Variants in DOCK2 observed in about 807,000 individuals in gnomAD.
DOCK2 encodes the protein dedicator of cytokinesis 2.
A neutral mutation model predicts 248.9 loss-of-function variants in DOCK2; 87 were observed. The observed-to-expected ratio is 0.35, with a 90% confidence interval of 0.29 to 0.42. The LOEUF (loss-of-function observed/expected upper bound fraction) is 0.42. Ranked by LOEUF, DOCK2 falls within the 10% of genes least tolerant of loss-of-function variation. The pLI is 1.00. For missense variants in DOCK2, 1,747 were observed against 2,300.2 expected (o/e 0.76, Z 4.92); for synonymous variants, 805 against 821.6 (o/e 0.98, Z 0.35).
At chr5:169,665,312 A>C (rs1026027731) in intron 2 of DOCK2, among the ~76,000 whole-genome samples, 13 of 142,946 alleles carry the variant, frequency 9.1e-5, no homozygotes, top group South Asian at 2.2e-4. Flanking sequence ...ATATATGTTT[A>C]TATATAAGTA....
At chr5:169,843,053 A>G (rs532718485) in intron 27 of DOCK2, among the ~76,000 whole-genome samples, 1 of 152,322 alleles carries the variant, frequency 6.6e-6, no homozygotes, top group African/African-American at 2.4e-5. Context: ...TCTGGTCACA[A>G]CCACATTTTT....
chr5:170,062,128 T>TGA (rs1554129358), intron 44 of DOCK2, among the ~76,000 whole-genome samples: 50 of 137,904 alleles, frequency 3.6e-4, no homozygotes, highest in South Asian at 6.9e-4. Flanking sequence ...TGTGTGTGTG[T>TGA]GAGAGAGAGA....
chr5:169,837,045 G>A (rs1244050933), intron 26 of DOCK2, among the ~76,000 whole-genome samples: 1 of 152,110 alleles, frequency 6.6e-6, no homozygotes. Flanking sequence ...GGCTCCCTTA[G>A]CCCCGACCCT....
At chr5:169,702,524 T>C (rs749859732) in intron 14 of DOCK2, 97 bp downstream of exon 14, 12 of 1,553,362 alleles carry the variant, frequency 7.7e-6, no homozygotes, top group Non-Finnish European at 1.0e-5. Context: ...GTTGTCTAAA[T>C]GCCAGGTGCC....
Position 169,846,354 on chromosome 5 carries a change from G to A in DOCK2, c.2799+5502G>A, listed in dbSNP as rs150242076. Among the ~76,000 whole-genome samples the A allele has an allele frequency of 1.7e-3, 261 of 152,236 alleles. 2 individuals are homozygous for A. The highest frequency in any genetic ancestry group is 2.7e-3 in the Non-Finnish European group (182 of 68,018). ...TTTCTTGTTGGGCTTAGGGCTTTGCGATGACCATTCCTGATTTTTCTATAG... is the reference window on the plus strand; with the variant it reads ...TTTCTTGTTGGGCTTAGGGCTTTGCAATGACCATTCCTGATTTTTCTATAG... On this transcript the variant is annotated intron_variant, in intron 27 of 51. Coordinates refer to ENST00000520908, the MANE Select transcript of DOCK2 (RefSeq NM_004946.3).
intron 22 of DOCK2, among the ~76,000 whole-genome samples, chr5:169,743,245 A>T (rs1407721293): frequency 6.6e-6 from 1 of 152,068 alleles, no homozygotes; most frequent in African/African-American, 2.4e-5. Flanking sequence ...ACCCTTATGA[A>T]TTTTTTTCCT....
At chr5:169,736,468 T>G (rs773025273) in intron 22 of DOCK2, among the ~76,000 whole-genome samples, 4 of 152,214 alleles carry the variant, frequency 2.6e-5, no homozygotes, top group Admixed American at 1.3e-4. Flanking sequence ...TGACCTCTCC[T>G]AAACCCTAGA....
chr5:169,747,252 G>A (rs917596687), intron 22 of DOCK2, 144 bp from the exon 23 acceptor site: 4 of 640,132 alleles, frequency 6.2e-6, no homozygotes, highest in African/African-American at 3.7e-5. Flanking sequence ...GATGCACGCA[G>A]CATCTGCAGA....
chr5:169,985,798 T>A (rs1293551672), intron 28 of DOCK2, 30 bp from the exon 29 acceptor site: 1 of 1,561,174 alleles, frequency 6.4e-7, no homozygotes, highest in Non-Finnish European at 8.7e-7. Context: ...TAAAACAGGA[T>A]GACATGTGTG....
Position 170,039,492 on chromosome 5 carries a change from T to A in DOCK2, c.3666-1563T>A, listed in dbSNP as rs142892771. Among the ~76,000 whole-genome samples, 105 of 152,372 alleles carry A rather than the reference T, an allele frequency of 6.9e-4. No homozygotes were observed. In the East Asian group the frequency reaches 0.013, roughly 18 times the overall value. On this transcript the variant is annotated intron_variant, in intron 36 of 51. Coordinates refer to ENST00000520908, the MANE Select transcript of DOCK2 (RefSeq NM_004946.3). ...TCTCTAAGGCCTGTTATAGCCTGGA[T>A]GCCCGGTACAGCTTTGCTGAATGAA...
intron 27 of DOCK2, among the ~76,000 whole-genome samples, chr5:169,887,893 G>T (rs1773063184): frequency 1.3e-5 from 2 of 152,112 alleles, no homozygotes; most frequent in African/African-American, 2.4e-5. Context: ...TTGTTACTGT[G>T]CCTGGTCAAT....
intron 1 of DOCK2, among the ~76,000 whole-genome samples, chr5:169,641,432 T>C (rs1482858287): frequency 6.6e-6 from 1 of 152,230 alleles, no homozygotes; most frequent in Non-Finnish European, 1.5e-5. Context: ...AGCTGATCCA[T>C]GCACACTGAC....
In DOCK2 at chr5:169,702,368, A is replaced by T. The variant is rs1761020951; in HGVS notation, c.1324A>T (p.Thr442Ser). The T allele has an allele frequency of 6.2e-7, 1 of 1,613,980 alleles. No individual in the cohort carries two copies. The highest frequency in any genetic ancestry group is 1.3e-5 in the African/African-American group (1 of 75,028). Reference sequence around the variant, plus strand: ...TGACTTTGACAAGTACAACAAGACCACACAGAGGAATGTGGAAGTCATCAT... The same window carrying T: ...TGACTTTGACAAGTACAACAAGACCTCACAGAGGAATGTGGAAGTCATCAT... ...QGDFDKYNKT[T>S]QRNVEVIMCV... The change falls in exon 14 of 52, where the codon ACA becomes TCA. Residue 442 changes from threonine to serine, a missense_variant. Physicochemically the swap from Thr to Ser is moderately conservative, Grantham distance 58. Around this residue, in one of 4 missense-constraint regions of DOCK2, gnomAD observed 858 missense variants for 1,183.5 expected, o/e 0.72. Coordinates refer to ENST00000520908, the MANE Select transcript of DOCK2 (RefSeq NM_004946.3).
chr5:169,868,298 C>G (rs955688525), intron 27 of DOCK2, among the ~76,000 whole-genome samples: 7 of 152,202 alleles, frequency 4.6e-5, no homozygotes, highest in African/African-American at 9.7e-5. Context: ...CTCCTACTTT[C>G]CAATTCTTCA....
intron 46 of DOCK2, among the ~76,000 whole-genome samples, chr5:170,073,295 C>T (rs1284928291): frequency 1.3e-5 from 2 of 152,050 alleles, no homozygotes; most frequent in African/African-American, 4.8e-5. Flanking sequence ...TTTTTCTATT[C>T]TGGACTTTCT....
intron 25 of DOCK2, among the ~76,000 whole-genome samples, chr5:169,776,914 A>G (rs983091267): frequency 7.2e-5 from 11 of 152,188 alleles, no homozygotes; most frequent in African/African-American, 2.7e-4. Flanking sequence ...TAAATTACCC[A>G]GTCTCAGGTA....
At chr5:169,829,213 A>G (rs30086) in intron 26 of DOCK2, among the ~76,000 whole-genome samples, 151,262 of 152,186 alleles carry the variant, frequency 0.99, 75,171 homozygotes, top group Middle Eastern at 1. Context: ...TAGTTGCAAA[A>G]ATTTTCATCA....
intron 27 of DOCK2, among the ~76,000 whole-genome samples, chr5:169,948,740 C>T (rs1384361051): frequency 6.6e-6 from 1 of 151,772 alleles, no homozygotes; most frequent in Non-Finnish European, 1.5e-5. Flanking sequence ...AGCCTCCCAA[C>T]CAGCTGGGAT....
At chr5:170,032,136 C>T (rs1056749640) in intron 34 of DOCK2, among the ~76,000 whole-genome samples, 1 of 151,950 alleles carries the variant, frequency 6.6e-6, no homozygotes, top group Non-Finnish European at 1.5e-5. Flanking sequence ...ACACCATTCT[C>T]CTGCCTCAGC....
Sources: gnomAD v4.1 joint callset for allele counts (sites outside exome capture counted in the v4.1 genomes callset) on GRCh38, gnomAD v4.1.1 for gene constraint, gnomAD v4.1.1 regional missense constraint, MANE v1.5 for transcripts, NCBI Gene and HGNC (gene_info 2026-07-23, HGNC 2026-07-21) for gene names.